The following ATF7IP variants were observed in gnomAD, a reference collection of about 807,000 sequenced individuals.
ATF7IP encodes activating transcription factor 7 interacting protein.
A neutral mutation model predicts 106.4 loss-of-function variants in ATF7IP; 23 were observed. That is an observed-to-expected ratio of 0.22 (90% CI 0.16 to 0.31). ATF7IP has a LOEUF of 0.31. Ranked by LOEUF, ATF7IP falls within the 10% of genes least tolerant of loss-of-function variation. The pLI, the probability that ATF7IP is intolerant of heterozygous loss-of-function variation, is 1.00. For missense variants in ATF7IP, 1,334 were observed against 1,524.3 expected (o/e 0.88, Z 2.08); for synonymous variants, 542 against 539.0 (o/e 1.01, Z -0.08).
chr12:14,371,289 ATAT>A (rs1286949605), intron 1 of ATF7IP, among the ~76,000 whole-genome samples: 15 of 152,148 alleles, frequency 9.9e-5, no homozygotes, highest in Non-Finnish European at 1.6e-4. Flanking sequence ...AAATGATAAA[ATAT>A]TATTGGCTTT....
chr12:14,368,037 A>G (rs536744274), intron 1 of ATF7IP, among the ~76,000 whole-genome samples: 1 of 152,212 alleles, frequency 6.6e-6, no homozygotes, highest in African/African-American at 2.4e-5. Flanking sequence ...TTTAGAAAAG[A>G]CAGGTTTGAG....
intron 1 of ATF7IP, among the ~76,000 whole-genome samples, chr12:14,367,039 A>T (rs533992971): frequency 1.3e-5 from 2 of 152,198 alleles, no homozygotes; most frequent in East Asian, 1.9e-4. Context: ...GGGAAGTTAT[A>T]TAAGATTTGA....
At position 14,498,936 on chromosome 12, in the gene ATF7IP, T is replaced by C. The variant is rs1945088453; in HGVS notation, c.*863T>C. 6.6e-6 allele frequency: 1 copy of C among 152,186 alleles called. No individual in the cohort carries two copies. Among genetic ancestry groups the C allele is most frequent in the Non-Finnish European group, 1.5e-5 (1 of 68,142 alleles). 9.4% of individuals were successfully genotyped at this position (152,186 alleles called of 1,614,324 possible). On this transcript the variant is annotated 3_prime_UTR_variant, in exon 15 of 15. Transcript: ENST00000261168. ...ATCTTGGCTCACTGCAACCTCTGCC[T>C]CCTGGGTTCAAGCAATTCTTCTGTC... is the stretch of plus-strand genomic sequence containing the variant.
chr12:14,427,065 G>C (rs954801472), intron 2 of ATF7IP, among the ~76,000 whole-genome samples: 1 of 152,032 alleles, frequency 6.6e-6, no homozygotes, highest in Non-Finnish European at 1.5e-5. Context: ...TAGAGCACCA[G>C]ATGTATTAGG....
At chr12:14,463,617 G>C (rs1047690291) in intron 9 of ATF7IP, among the ~76,000 whole-genome samples, 21 of 152,044 alleles carry the variant, frequency 1.4e-4, no homozygotes, top group Non-Finnish European at 2.9e-4. Flanking sequence ...ACAGAAGAAT[G>C]GGGGAAATAC....
Position 14,455,271 on chromosome 12 carries a change from C to T in ATF7IP, c.1996-1290C>T, listed in dbSNP as rs149439527. On this transcript the variant is annotated intron_variant, in intron 6 of 14. Coordinates refer to ENST00000261168, the MANE Select transcript of ATF7IP (RefSeq NM_018179.5). ...TTTTCTTTTTTAAGCTTTTTGCATT[C>T]GCCTTACACAGTTATTTTAATGTGC... is the stretch of plus-strand genomic sequence containing the variant. 9.3e-5 allele frequency among the ~76,000 whole-genome samples: 14 copies of T among 149,968 alleles called. No homozygotes were observed. In the East Asian group the frequency reaches 1.9e-3, roughly 21 times the overall value.
At chr12:14,464,700 CA>C (rs1377275175) in intron 9 of ATF7IP, among the ~76,000 whole-genome samples, 1 of 151,938 alleles carries the variant, frequency 6.6e-6, no homozygotes, top group African/African-American at 2.4e-5. Flanking sequence ...CATTAAGAAT[CA>C]AGGGAAAAAA....
At position 14,466,514 on chromosome 12, in the gene ATF7IP, T is replaced by G. The variant is rs766757759; in HGVS notation, c.2798-12T>G. Reference sequence around the variant, plus strand: ...GTAGATGTTTTTAAAAATGGCTTTTTTTACTTTTCAGAAAACCAGACAAAC... The same window carrying G: ...GTAGATGTTTTTAAAAATGGCTTTTGTTACTTTTCAGAAAACCAGACAAAC... On this transcript the variant is annotated splice_polypyrimidine_tract_variant and intron_variant, in intron 9 of 14. Transcript: ENST00000261168. The G allele has an allele frequency of 6.3e-7, 1 of 1,595,782 alleles. No individual in the cohort carries two copies. The highest frequency in any genetic ancestry group is 1.8e-5 in the Admixed American group (1 of 54,826).
chr12:14,448,532 T>C (rs760245237), intron 6 of ATF7IP, among the ~76,000 whole-genome samples: 2 of 152,214 alleles, frequency 1.3e-5, no homozygotes, highest in Non-Finnish European at 2.9e-5. Flanking sequence ...TTTTCTGGTT[T>C]TATTTTTATT....
intron 13 of ATF7IP, among the ~76,000 whole-genome samples, chr12:14,484,377 G>A (rs1944521967): frequency 6.6e-6 from 1 of 152,170 alleles, no homozygotes; most frequent in Non-Finnish European, 1.5e-5. Context: ...CTCTGCTGAG[G>A]TCACCCGTTG....
At chr12:14,434,188 C>T (rs1942286982) in intron 2 of ATF7IP, 149 bp from the exon 3 acceptor site, 1 of 570,436 alleles carries the variant, frequency 1.8e-6, no homozygotes, top group South Asian at 2.3e-5. Context: ...AGTTCCTGCT[C>T]CCCTTTTCCC....
At chr12:14,406,555 T>A (rs1285600677) in intron 1 of ATF7IP, among the ~76,000 whole-genome samples, 1 of 151,654 alleles carries the variant, frequency 6.6e-6, no homozygotes. Context: ...TAATTGTGGT[T>A]AAATTTTGGA....
At chr12:14,454,500 A>T (rs960190560) in intron 6 of ATF7IP, among the ~76,000 whole-genome samples, 1 of 152,198 alleles carries the variant, frequency 6.6e-6, no homozygotes, top group Non-Finnish European at 1.5e-5. Context: ...AAACAGTTGG[A>T]TTCAAGCTCC....
chr12:14,415,400 T>C (rs941414887), intron 1 of ATF7IP, among the ~76,000 whole-genome samples: 1 of 152,196 alleles, frequency 6.6e-6, no homozygotes, highest in African/African-American at 2.4e-5. Flanking sequence ...GAAGTTAGAT[T>C]GTAGTGACAG....
At position 14,475,837 on chromosome 12, in the gene ATF7IP, C is replaced by T. The variant is rs1297279195; in HGVS notation, c.2863-53C>T. 4.9e-6 allele frequency: 7 copies of T among 1,437,948 alleles called. No homozygotes were observed. In the African/African-American group the frequency reaches 8.6e-5, roughly 18 times the overall value. 89.1% of individuals were successfully genotyped at this position (1,437,948 alleles called of 1,614,324 possible). A position where few individuals can be genotyped will look rare whatever the true frequency, so the allele number is the denominator to read the frequency against. On this transcript the variant is annotated intron_variant, in intron 10 of 14. Transcript: ENST00000261168. Reference sequence around the variant, plus strand: ...CCTCACTTATCATCTCATTTTTTAACACGTATATCTGCCAGAGTTTTCTTT... The same window carrying T: ...CCTCACTTATCATCTCATTTTTTAATACGTATATCTGCCAGAGTTTTCTTT...
At chr12:14,386,105 C>A (rs1361162457) in intron 1 of ATF7IP, among the ~76,000 whole-genome samples, 1 of 152,052 alleles carries the variant, frequency 6.6e-6, no homozygotes, top group East Asian at 1.9e-4. Context: ...CTAATGTATT[C>A]AAATACCATC....
chr12:14,394,704 G>C (rs569093136), intron 1 of ATF7IP, among the ~76,000 whole-genome samples: 2 of 152,314 alleles, frequency 1.3e-5, no homozygotes, highest in East Asian at 3.9e-4. Flanking sequence ...GAACAGAGTT[G>C]ATACATTAGA....
Position 14,471,092 on chromosome 12 carries a change from A to C in ATF7IP, c.2862+4502A>C, listed in dbSNP as rs143673496. Among the ~76,000 whole-genome samples, 5 of 152,230 alleles carry C rather than the reference A, an allele frequency of 3.3e-5. 1 individual carries two copies. The highest frequency in any genetic ancestry group is 1.2e-4 in the African/African-American group (5 of 41,560). On this transcript the variant is annotated intron_variant, in intron 10 of 14. Transcript: ENST00000261168. ...ATTTCGTAATATTTGGGGATTTTGCAAATTTTTTATTATTGATTTTTCATT... is the reference window on the plus strand; with the variant it reads ...ATTTCGTAATATTTGGGGATTTTGCCAATTTTTTATTATTGATTTTTCATT...
chr12:14,494,723 A>G (rs897377518), intron 13 of ATF7IP, among the ~76,000 whole-genome samples: 2 of 151,532 alleles, frequency 1.3e-5, no homozygotes, highest in Non-Finnish European at 2.9e-5. Flanking sequence ...ACTTGAGGTC[A>G]GGAGTTCGAG....
Sources: allele counts gnomAD v4.1 joint callset (sites outside exome capture counted in the v4.1 genomes callset), GRCh38; gene constraint gnomAD v4.1.1; transcripts MANE v1.5; gene names NCBI Gene and HGNC (gene_info 2026-07-23, HGNC 2026-07-21).